NHSL2: variants seen among roughly 807,000 people sequenced by gnomAD.
NHSL2 encodes NHS like 2.
A neutral mutation model predicts 53.4 loss-of-function variants in NHSL2; 27 were observed. The ratio of observed to expected loss-of-function variants is 0.51; its 90% CI spans 0.37 to 0.70. The LOEUF (loss-of-function observed/expected upper bound fraction) is 0.70, where lower values mean the gene tolerates loss of function less well. Ranked by LOEUF, NHSL2 falls within the 30% of genes least tolerant of loss-of-function variation. NHSL2 has a pLI of 0.00. For synonymous variants in NHSL2, 408 were observed against 404.1 expected, an observed-to-expected ratio of 1.01 and a Z score of -0.12; for missense variants, 892 against 980.1, an observed-to-expected ratio of 0.91 and a Z score of 1.20.
chrX:71,966,518 G>A (rs1450567803), intron 1 of NHSL2, among the ~76,000 whole-genome samples: 1 of 111,880 alleles, frequency 8.9e-6, no homozygotes, highest in Non-Finnish European at 1.9e-5. Flanking sequence ...TGGCATTTTT[G>A]TCAAAAGCTT....
In NHSL2 at chrX:72,147,600, G is replaced by A. The variant is rs1212298061; in HGVS notation, c.*4026G>A. Reference sequence around the variant, plus strand: ...ATTTCTAAGTAATATGCTCCAGGTGGCAAGTTAACACCCATTTCAGCAGGG... The same window carrying A: ...ATTTCTAAGTAATATGCTCCAGGTGACAAGTTAACACCCATTTCAGCAGGG... On this transcript the variant is annotated 3_prime_UTR_variant, in exon 8 of 8. Transcript: ENST00000633930. The A allele has an allele frequency of 9.0e-6, 1 of 111,709 alleles. No individual in the cohort carries two copies. Among genetic ancestry groups the A allele is most frequent in the Non-Finnish European group, 1.9e-5 (1 of 53,101 alleles). 9.2% of individuals were successfully genotyped at this position (111,709 alleles called of 1,213,427 possible).
chrX:71,950,377 C>T (rs1052400148), intron 1 of NHSL2, among the ~76,000 whole-genome samples: 3 of 112,809 alleles, frequency 2.7e-5, no homozygotes, highest in Admixed American at 9.3e-5. Flanking sequence ...AGGCATCCCT[C>T]GCTCCCTGTT....
intron 1 of NHSL2, among the ~76,000 whole-genome samples, chrX:72,114,891 C>T (rs2042123552): frequency 8.9e-6 from 1 of 112,177 alleles, no homozygotes; most frequent in African/African-American, 3.2e-5. Context: ...AAGAACTCAT[C>T]TTTGAACTCA....
Position 72,022,263 on chromosome X carries a change from A to C in NHSL2, c.281-109816A>C, listed in dbSNP as rs183329930. 6.2e-5 allele frequency among the ~76,000 whole-genome samples: 7 copies of C among 112,223 alleles called. No individual in the cohort carries two copies. In the East Asian group the frequency reaches 1.7e-3, roughly 27 times the overall value. ...AGGCCAATAAATATTATTATACTAT[A>C]ATAAGCCTCTGCAGCTATACCCCAT... is the stretch of plus-strand genomic sequence containing the variant. On this transcript the variant is annotated intron_variant, in intron 1 of 7. Coordinates refer to ENST00000633930, the MANE Select transcript of NHSL2 (RefSeq NM_001013627.3).
intron 1 of NHSL2, among the ~76,000 whole-genome samples, chrX:71,934,852 G>A (rs1010273472): frequency 1.8e-5 from 2 of 112,073 alleles, no homozygotes; most frequent in Admixed American, 9.4e-5. Context: ...TGAACATCTG[G>A]TTAGATGGCG....
At chrX:71,983,843 G>A (rs926146427) in intron 1 of NHSL2, among the ~76,000 whole-genome samples, 5 of 111,528 alleles carry the variant, frequency 4.5e-5, no homozygotes, top group Non-Finnish European at 9.4e-5. Context: ...ATGACCGGAG[G>A]TCACTCTCAT....
At chrX:72,030,656 T>TC (rs1465782593) in intron 1 of NHSL2, among the ~76,000 whole-genome samples, 1 of 112,099 alleles carries the variant, frequency 8.9e-6, no homozygotes, top group African/African-American at 3.2e-5. Context: ...GGCATGCTGG[T>TC]AAATGTTTAA....
intron 1 of NHSL2, among the ~76,000 whole-genome samples, chrX:72,126,021 A>G (rs774662189): frequency 1.8e-5 from 2 of 112,105 alleles, no homozygotes; most frequent in South Asian, 3.7e-4. Context: ...AGTCCCCCAT[A>G]TGACCTAATA....
At chrX:72,117,166 A>G (rs1363121251) in intron 1 of NHSL2, among the ~76,000 whole-genome samples, 1 of 108,541 alleles carries the variant, frequency 9.2e-6, no homozygotes, top group Non-Finnish European at 1.9e-5. Context: ...TAGAACAAAG[A>G]CACTCTAGTA....
At chrX:71,954,781 T>C (rs1295156151) in intron 1 of NHSL2, among the ~76,000 whole-genome samples, 1 of 112,421 alleles carries the variant, frequency 8.9e-6, no homozygotes, top group Non-Finnish European at 1.9e-5. Flanking sequence ...AATCTACTCA[T>C]GGCTGAAGAG....
intron 1 of NHSL2, among the ~76,000 whole-genome samples, chrX:71,981,529 T>A (rs1300746401): frequency 1.7e-5 from 1 of 59,774 alleles, no homozygotes; most frequent in Non-Finnish European, 3.0e-5. Flanking sequence ...AGAGCAAGAC[T>A]CTGTCTCAAA....
At chrX:71,923,310 C>G (rs932797362) in intron 1 of NHSL2, among the ~76,000 whole-genome samples, 12 of 111,667 alleles carry the variant, frequency 1.1e-4, no homozygotes, top group Non-Finnish European at 1.7e-4. Context: ...GTCCCCTTTT[C>G]TGGTAATAAG....
At chrX:72,044,399 C>T (rs1396123633) in intron 1 of NHSL2, 1 of 418,024 alleles carries the variant, frequency 2.4e-6, no homozygotes, top group Non-Finnish European at 4.1e-6. Context: ...TAAACAAGAA[C>T]TTACAACCAC....
intron 1 of NHSL2, among the ~76,000 whole-genome samples, chrX:72,008,336 G>A (rs982589850): frequency 1.8e-5 from 2 of 112,078 alleles, no homozygotes; most frequent in Non-Finnish European, 3.8e-5. Flanking sequence ...GACAGGCTGC[G>A]GACAGTGTTT....
chrX:72,104,174 T>C (rs1204278000), intron 1 of NHSL2, among the ~76,000 whole-genome samples: 1 of 111,419 alleles, frequency 9.0e-6, no homozygotes, highest in African/African-American at 3.3e-5. Flanking sequence ...ATCTCATTAC[T>C]GCTGCTGCAG....
intron 1 of NHSL2, among the ~76,000 whole-genome samples, chrX:72,077,457 C>T (rs2041754248): frequency 9.0e-6 from 1 of 111,016 alleles, no homozygotes; most frequent in African/African-American, 3.3e-5. Context: ...GATGGCTCCC[C>T]ACCGCCCTCA....
chrX:71,980,855 A>G (rs1212256580), intron 1 of NHSL2, among the ~76,000 whole-genome samples: 1 of 111,905 alleles, frequency 8.9e-6, no homozygotes, highest in Non-Finnish European at 1.9e-5. Context: ...AAGAGGTAGC[A>G]TATGTGAGTG....
At chrX:72,091,729 C>T (rs1212111047) in intron 1 of NHSL2, among the ~76,000 whole-genome samples, 3 of 111,009 alleles carry the variant, frequency 2.7e-5, no homozygotes, top group African/African-American at 9.9e-5. Context: ...TGGATGTAGC[C>T]CACAAGTGTT....
At chrX:72,141,570 C>T (rs769024088) in intron 6 of NHSL2, among the ~76,000 whole-genome samples, 2 of 111,774 alleles carry the variant, frequency 1.8e-5, no homozygotes, top group African/African-American at 6.5e-5. Context: ...ATTCCTCCCT[C>T]CAACCACCAT....
Sources: gnomAD v4.1 joint callset for allele counts (sites outside exome capture counted in the v4.1 genomes callset) on GRCh38, gnomAD v4.1.1 for gene constraint, MANE v1.5 for transcripts, NCBI Gene and HGNC (gene_info 2026-07-23, HGNC 2026-07-21) for gene names.